The following ADNP variants were observed in gnomAD, a reference collection of about 807,000 sequenced individuals.
ADNP encodes activity-dependent neuroprotector homeobox protein.
In ADNP, 4 loss-of-function variants were observed where a neutral mutation model predicts 84.9. The ratio of observed to expected loss-of-function variants is 0.05; its 90% CI spans 0.02 to 0.11. ADNP has a LOEUF of 0.11. Ranked by LOEUF, ADNP falls within the 10% of genes least tolerant of loss-of-function variation. The pLI is 1.00. For missense variants in ADNP, 1,132 were observed against 1,326.0 expected (o/e 0.85, Z 2.27); for synonymous variants, 554 against 468.1 (o/e 1.18, Z -2.37).
intron 5 of ADNP, among the ~76,000 whole-genome samples, chr20:50,896,118 G>A (rs981874880): frequency 1.9e-4 from 29 of 151,846 alleles, no homozygotes; most frequent in African/African-American, 6.8e-4. Context: ...CCAGCTACTC[G>A]GGAGGCTGAG....
At chr20:50,922,385 C>T (rs1229495620) in intron 2 of ADNP, among the ~76,000 whole-genome samples, 3 of 152,140 alleles carry the variant, frequency 2.0e-5, no homozygotes, top group Non-Finnish European at 4.4e-5. Flanking sequence ...GTTCCCAAGA[C>T]CCCCTCCTTG....
In ADNP at chr20:50,931,044, G is replaced by C. The variant is rs1984716858; in HGVS notation, c.-483C>G. 1 of 147,754 alleles carries C rather than the reference G, an allele frequency of 6.8e-6. No homozygotes were observed. Among genetic ancestry groups the C allele is most frequent in the Admixed American group, 6.7e-5 (1 of 14,838 alleles). 9.2% of individuals were successfully genotyped at this position (147,754 alleles called of 1,614,324 possible). ...CAGCAGAGCGGCGGGCGGCGGCGGCGTCGTCGAGCGGTGCAGACAAAGGAG... is the reference window on the plus strand; with the variant it reads ...CAGCAGAGCGGCGGGCGGCGGCGGCCTCGTCGAGCGGTGCAGACAAAGGAG... On this transcript the variant is annotated 5_prime_UTR_variant, in exon 1 of 6. Coordinates refer to ENST00000621696, the MANE Select transcript of ADNP (RefSeq NM_001282531.3).
chr20:50,924,067 G>A (rs1984135588), intron 2 of ADNP, among the ~76,000 whole-genome samples: 1 of 152,206 alleles, frequency 6.6e-6, no homozygotes, highest in South Asian at 2.1e-4. Flanking sequence ...TTTACAGATT[G>A]TCAACTGAAG....
At chr20:50,911,290 A>G (rs1983002864) in intron 2 of ADNP, among the ~76,000 whole-genome samples, 2 of 152,126 alleles carry the variant, frequency 1.3e-5, no homozygotes, top group South Asian at 4.2e-4. Flanking sequence ...TGCCTAGACC[A>G]ATGTCCATGA....
intron 2 of ADNP, among the ~76,000 whole-genome samples, chr20:50,907,921 C>G (rs1416876096): frequency 6.6e-6 from 1 of 152,170 alleles, no homozygotes; most frequent in Non-Finnish European, 1.5e-5. Context: ...CACATTAACT[C>G]AGAACATTCT....
chr20:50,894,604 T>A, intron 5 of ADNP, 92 bp from the exon 6 acceptor site: 2 of 1,404,418 alleles, frequency 1.4e-6, no homozygotes, highest in Non-Finnish European at 1.9e-6. Flanking sequence ...TAATAATGCA[T>A]TGATTTTAGG....
intron 5 of ADNP, among the ~76,000 whole-genome samples, chr20:50,899,609 G>GT (rs1025099155): frequency 6.6e-6 from 1 of 152,000 alleles, no homozygotes; most frequent in Non-Finnish European, 1.5e-5. Context: ...CCTTCAGGAG[G>GT]TATCTAGAAG....
chr20:50,889,747 C>T lies in ADNP; in HGVS notation c.*1658G>A, dbSNP rs1980458692. On this transcript the variant is annotated 3_prime_UTR_variant, in exon 6 of 6. Transcript: ENST00000621696. ...TGGAAATGTTGGCCTAATTCTGCTT[C>T]CTTGTAACTTTCTGCTTTTTAGTAC... The T allele has an allele frequency of 7.6e-6, 3 of 396,120 alleles. No homozygotes were observed. Among genetic ancestry groups the T allele is most frequent in the Non-Finnish European group, 1.3e-5 (3 of 224,958 alleles). 24.5% of individuals were successfully genotyped at this position (396,120 alleles called of 1,614,324 possible).
chr20:50,905,233 C>T (rs1291086436), intron 2 of ADNP: 2 of 152,176 alleles, frequency 1.3e-5, no homozygotes, highest in Non-Finnish European at 2.9e-5. Flanking sequence ...AGAAATGCTT[C>T]CCATAATATG....
At chr20:50,918,369 C>T (rs1001284602) in intron 2 of ADNP, among the ~76,000 whole-genome samples, 4 of 151,924 alleles carry the variant, frequency 2.6e-5, no homozygotes, top group African/African-American at 4.8e-5. Context: ...TAGAACAAAC[C>T]GTGGATGTAA....
At chr20:50,913,978 C>T in intron 2 of ADNP, 1 of 734,262 alleles carries the variant, frequency 1.4e-6, no homozygotes, top group Non-Finnish European at 2.5e-6. Context: ...TTGTGCTGGC[C>T]AGAATGAGAC....
At chr20:50,924,700 T>TA (rs534209721) in intron 2 of ADNP, among the ~76,000 whole-genome samples, 15 of 152,194 alleles carry the variant, frequency 9.9e-5, no homozygotes, top group Non-Finnish European at 1.6e-4. Flanking sequence ...ACATCCTTAT[T>TA]AAAGTCATCA....
In ADNP at chr20:50,889,807, C is replaced by G. The variant is rs1980468433; in HGVS notation, c.*1598G>C. 2.5e-6 allele frequency: 1 copy of G among 398,442 alleles called. No homozygotes were observed. The highest frequency in any genetic ancestry group is 4.4e-6 in the Non-Finnish European group (1 of 225,968). The allele number at this position is 398,442 out of a possible 1,614,324, so 24.7% of individuals were successfully genotyped here. A position where few individuals can be genotyped will look rare whatever the true frequency, so the allele number is the denominator to read the frequency against. On this transcript the variant is annotated 3_prime_UTR_variant, in exon 6 of 6. Transcript: ENST00000621696. Reference sequence around the variant, plus strand: ...TGGGAATCTACGCATGGTAAAAATACCAGCTCCTTCCATCTTTACAGCCCT... The same window carrying G: ...TGGGAATCTACGCATGGTAAAAATAGCAGCTCCTTCCATCTTTACAGCCCT...
intron 2 of ADNP, among the ~76,000 whole-genome samples, chr20:50,922,798 G>C (rs960028392): frequency 2.6e-5 from 4 of 151,964 alleles, no homozygotes; most frequent in Non-Finnish European, 5.9e-5. Flanking sequence ...GGCCAGGCTG[G>C]TCTCAAACTC....
chr20:50,894,960 C>CA lies in ADNP; in HGVS notation c.202-449dup, dbSNP rs201882534. 8.0e-3 allele frequency among the ~76,000 whole-genome samples: 1,187 copies of CA among 148,444 alleles called. 14 individuals are homozygous for CA. The highest frequency in any genetic ancestry group is 0.027 in the African/African-American group (1,090 of 40,510). On this transcript the variant is annotated intron_variant, in intron 5 of 5. Transcript: ENST00000621696. ...ATAGTAACTTTATAAAATAGAAACT[C>CA]AAAAAAAAAGCTATCTTAAACCAAA... is the stretch of plus-strand genomic sequence containing the variant.
Position 50,892,677 on chromosome 20 carries a change from A to G in ADNP, c.2037T>C (p.Thr679=), listed in dbSNP as rs1980923531. 6.2e-7 allele frequency: 1 copy of G among 1,614,066 alleles called. No homozygotes were observed. Among genetic ancestry groups the G allele is most frequent in the African/African-American group, 1.3e-5 (1 of 74,920 alleles). ...TGCAGTGAACTAGATGCAGAGTGAT[A>G]GTTGAGGCGGTCATGTTGCTGGTAT... is the stretch of plus-strand genomic sequence containing the variant. ...GVYTSNMTAS[T]ITLHLVHCRG... Residue 679 remains threonine, a synonymous_variant, in exon 6 of 6, where the codon ACT becomes ACC. Transcript: ENST00000621696.
intron 4 of ADNP, 125 bp downstream of exon 4, chr20:50,903,764 C>G (rs6096174): frequency 1.4e-6 from 1 of 699,212 alleles, no homozygotes; most frequent in African/African-American, 1.8e-5. Context: ...AGAATGTTTT[C>G]GTGAAGCTAC....
chr20:50,898,881 C>T (rs1347610001), intron 5 of ADNP, among the ~76,000 whole-genome samples: 1 of 152,146 alleles, frequency 6.6e-6, no homozygotes, highest in African/African-American at 2.4e-5. Context: ...ACTGGCAATA[C>T]GGTTTTTAAC....
Position 50,888,994 on chromosome 20 carries a change from T to G in ADNP, c.*2411A>C, listed in dbSNP as rs1980363505. On this transcript the variant is annotated 3_prime_UTR_variant, in exon 6 of 6. Coordinates refer to ENST00000621696, the MANE Select transcript of ADNP (RefSeq NM_001282531.3). Reference sequence around the variant, plus strand: ...CATTCTCTAATTAGGTGGCAGCACGTTGCCATAGCCAACGATCTCCAGATT... The same window carrying G: ...CATTCTCTAATTAGGTGGCAGCACGGTGCCATAGCCAACGATCTCCAGATT... The G allele has an allele frequency of 6.6e-6, 1 of 152,180 alleles. No individual in the cohort carries two copies. Among genetic ancestry groups the G allele is most frequent in the African/African-American group, 2.4e-5 (1 of 41,442 alleles). 9.4% of individuals were successfully genotyped at this position (152,180 alleles called of 1,614,324 possible). A position where few individuals can be genotyped will look rare whatever the true frequency, so the allele number is the denominator to read the frequency against.
Sources: gnomAD v4.1 joint callset for allele counts (sites outside exome capture counted in the v4.1 genomes callset) on GRCh38, gnomAD v4.1.1 for gene constraint, MANE v1.5 for transcripts, NCBI Gene and HGNC (gene_info 2026-07-23, HGNC 2026-07-21) for gene names.